The following NOL6 variants were observed in gnomAD, a reference collection of about 807,000 sequenced individuals.
NOL6 encodes the protein nucleolar protein 6.
NOL6 carries 33 observed loss-of-function variants against 131.7 expected under a neutral mutation model. The ratio of observed to expected loss-of-function variants is 0.25; its 90% CI spans 0.19 to 0.33. The LOEUF (loss-of-function observed/expected upper bound fraction) is 0.33. Among genes scored for constraint, NOL6 ranks in the 10% least tolerant of loss-of-function variants. The pLI, the probability that NOL6 is intolerant of heterozygous loss-of-function variation, is 1.00. For missense variants in NOL6, 1,297 were observed against 1,494.5 expected (o/e 0.87, Z 2.18); for synonymous variants, 580 against 605.7 (o/e 0.96, Z 0.62).
At chr9:33,473,756 G>A (rs1370654135) in intron 1 of NOL6, 33 bp downstream of exon 1, 18 of 1,610,826 alleles carry the variant, frequency 1.1e-5, no homozygotes, top group East Asian at 2.2e-5. Flanking sequence ...AGCGCACATT[G>A]AGCCTCTGTT....
Position 33,467,966 on chromosome 9 carries a change from G to A in NOL6, c.1424+64C>T. 2 of 1,610,854 alleles carry A rather than the reference G, an allele frequency of 1.2e-6. No homozygotes were observed. Among genetic ancestry groups the A allele is most frequent in the African/African-American group, 1.3e-5 (1 of 74,956 alleles). ...TCTGAGCACCTGTCTGAAGACCTTT[G>A]CCCCACCACTGTAGCCCCGAAGAGA... On this transcript the variant is annotated intron_variant, in intron 11 of 25. Coordinates refer to ENST00000297990, the MANE Select transcript of NOL6 (RefSeq NM_022917.5). This position sits in a 1 kb window ranked among gnomAD's most constrained non-coding sequence, Gnocchi z 4.4.
At chr9:33,464,654 C>T (rs947856243) in intron 21 of NOL6, among the ~76,000 whole-genome samples, 9 of 152,154 alleles carry the variant, frequency 5.9e-5, no homozygotes, top group African/African-American at 2.2e-4. Flanking sequence ...TTCCACAGCC[C>T]CCCGCCAGGT....
At position 33,469,660 on chromosome 9, in the gene NOL6, AG is replaced by A; in HGVS notation, c.565del (p.Leu189TyrfsTer7). ...CTGGTTCAGCCCGTCCTTGTCCTGT[AG>A]GATTTCCTGGAGGGGCCAGGGGAGA... ...DVALTMPREILQDKDGLNQRY... is the reference protein window; with the variant it reads ...DVALTMPREIXQDKDGLNQRY... On this transcript the variant is annotated frameshift_variant, in exon 5 of 26. Transcript: ENST00000297990. LOFTEE classifies it high-confidence loss of function. 6.2e-7 allele frequency: 1 copy of A among 1,610,236 alleles called. No homozygotes were observed. The highest frequency in any genetic ancestry group is 8.5e-7 in the Non-Finnish European group (1 of 1,178,930).
intron 19 of NOL6, 25 bp from the exon 20 acceptor site, chr9:33,465,384 C>G (rs200485181): frequency 6.4e-7 from 1 of 1,564,668 alleles, no homozygotes; most frequent in Non-Finnish European, 8.7e-7. Context: ...GGAGTGTCAG[C>G]GAGACTCAGG....
At chr9:33,472,962 G>A in intron 1 of NOL6, among the ~76,000 whole-genome samples, 1 of 125,448 alleles carries the variant, frequency 8.0e-6, no homozygotes, top group Non-Finnish European at 1.6e-5. Context: ...AACAGAGCAA[G>A]ACTGTCAAAA....
In NOL6 at chr9:33,469,194, AG is replaced by A. The variant is rs889307862; in HGVS notation, c.862+12del. 1 of 1,614,088 alleles carries A rather than the reference AG, an allele frequency of 6.2e-7. No homozygotes were observed. Among genetic ancestry groups the A allele is most frequent in the African/African-American group, 1.3e-5 (1 of 74,946 alleles). The stretch of plus-strand genomic sequence containing the variant: ...TTCCCTCCAGCTCCACCTCAACACC[AG>A]GGCCTGCTCACCATCCCCTGCAGGA... On this transcript the variant is annotated intron_variant, in intron 6 of 25. Coordinates refer to ENST00000297990, the MANE Select transcript of NOL6 (RefSeq NM_022917.5).
At chr9:33,464,224 C>G in intron 21 of NOL6, 63 bp from the exon 22 acceptor site, 2 of 1,534,600 alleles carry the variant, frequency 1.3e-6, no homozygotes, top group Non-Finnish European at 1.8e-6. Flanking sequence ...TCTACTCCCC[C>G]AGGTCCTCCT....
rs1241375181 is a variant in NOL6 at position 33,468,060 on chromosome 9, G to A, written c.1394C>T (p.Pro465Leu). 1 of 1,614,166 alleles carries A rather than the reference G, an allele frequency of 6.2e-7. No homozygotes were observed. Among genetic ancestry groups the A allele is most frequent in the Admixed American group, 1.7e-5 (1 of 60,016 alleles). The change falls in exon 11 of 26, where the codon CCC becomes CTC. Residue 465 changes from proline to leucine, a missense_variant. Pro to Leu is a moderately conservative substitution (Grantham distance 98, BLOSUM62 -3). Transcript: ENST00000297990. ...GFHLLLMTPK[P>L]MIRAFDHVLH... ...GACATGGTCAAAAGCCCGGATCATG[G>A]GTTTGGGAGTCATCAACAGCAGGTG...
At chr9:33,464,792 G>A in intron 21 of NOL6, 87 bp downstream of exon 21, 2 of 955,354 alleles carry the variant, frequency 2.1e-6, no homozygotes, top group Non-Finnish European at 3.3e-6. Flanking sequence ...GAGGCACAGA[G>A]AAAACCTAAC....
intron 1 of NOL6, 89 bp downstream of exon 1, chr9:33,473,700 C>G: frequency 6.7e-7 from 1 of 1,497,770 alleles, no homozygotes; most frequent in Non-Finnish European, 9.2e-7. Flanking sequence ...ATGGCTTTCA[C>G]CCGCAAGCTG....
chr9:33,465,969 C>T (rs1827228786), intron 18 of NOL6, 72 bp from the exon 19 acceptor site: 4 of 1,577,248 alleles, frequency 2.5e-6, no homozygotes, highest in Non-Finnish European at 3.5e-6. Context: ...TGGCCTACAG[C>T]CCTATTACCC....
rs757373152 is a variant in NOL6 at position 33,469,199 on chromosome 9, CT to C, written c.862+7del. 2 of 1,614,230 alleles carry C rather than the reference CT, an allele frequency of 1.2e-6. No homozygotes were observed. The highest frequency in any genetic ancestry group is 4.5e-5 in the East Asian group (2 of 44,892). The stretch of plus-strand genomic sequence containing the variant: ...TCCAGCTCCACCTCAACACCAGGGC[CT>C]GCTCACCATCCCCTGCAGGACTCTG... On this transcript the variant is annotated splice_region_variant and intron_variant, in intron 6 of 25. Transcript: ENST00000297990.
intron 25 of NOL6, 36 bp downstream of exon 25, chr9:33,462,997 C>T (rs760943892): frequency 3.8e-6 from 6 of 1,592,386 alleles, no homozygotes; most frequent in Non-Finnish European, 5.2e-6. Flanking sequence ...ACCACGTGCA[C>T]ACACTCAGGA....
At chr9:33,465,606 G>A in intron 19 of NOL6, 128 bp downstream of exon 19, 1 of 1,146,058 alleles carries the variant, frequency 8.7e-7, no homozygotes, top group Non-Finnish European at 1.2e-6. Context: ...TCCAGAACCT[G>A]CCTGACTCCA....
Position 33,462,373 on chromosome 9 carries a change from T to G in NOL6, c.*291A>C. On this transcript the variant is annotated 3_prime_UTR_variant, in exon 26 of 26. Transcript: ENST00000297990. The stretch of plus-strand genomic sequence containing the variant: ...TCGCAGGGAGGTCCAGGCCCAGGGC[T>G]AATAGGTGGATGGATCTCCTGGGTT... 1 of 638,620 alleles carries G rather than the reference T, an allele frequency of 1.6e-6. No individual in the cohort carries two copies. 39.6% of individuals were successfully genotyped at this position (638,620 alleles called of 1,614,324 possible).
At chr9:33,466,033 C>G (rs756987010) in intron 18 of NOL6, 38 bp downstream of exon 18, 28 of 1,561,704 alleles carry the variant, frequency 1.8e-5, no homozygotes, top group Non-Finnish European at 2.2e-5. Context: ...CCTGGTGCCC[C>G]CCTTCCCTGG....
rs1827297023 is a variant in NOL6 at position 33,467,995 on chromosome 9, G to C, written c.1424+35C>G. 6.2e-7 allele frequency: 1 copy of C among 1,613,792 alleles called. No individual in the cohort carries two copies. The highest frequency in any genetic ancestry group is 1.3e-5 in the African/African-American group (1 of 74,866). ...CACCACTGTAGCCCCGAAGAGACAG[G>C]ACCCGCCAACATACCCTGTCACCCC... is the stretch of plus-strand genomic sequence containing the variant. On this transcript the variant is annotated intron_variant, in intron 11 of 25. Transcript: ENST00000297990. This position sits in a 1 kb window ranked among gnomAD's most constrained non-coding sequence, Gnocchi z 4.4.
At chr9:33,468,292 G>C (rs1421096218) in intron 10 of NOL6, 29 bp downstream of exon 10, 1 of 1,611,672 alleles carries the variant, frequency 6.2e-7, no homozygotes, top group Non-Finnish European at 8.5e-7. Flanking sequence ...GAGACATCAG[G>C]GGAACACAGA....
intron 1 of NOL6, among the ~76,000 whole-genome samples, chr9:33,473,331 C>A (rs3860991): frequency 0.38 from 57,071 of 152,130 alleles, 12,365 homozygotes; most frequent in Admixed American, 0.51. Context: ...GGCAAGCGTG[C>A]AGGATCCCAA....
Sources: gnomAD v4.1 joint callset for allele counts (sites outside exome capture counted in the v4.1 genomes callset) on GRCh38, gnomAD v4.1.1 for gene constraint, Gnocchi (gnomAD v3.1) non-coding constraint, MANE v1.5 for transcripts, NCBI Gene and HGNC (gene_info 2026-07-23, HGNC 2026-07-21) for gene names.